The following FMN2 variants were observed in gnomAD, a reference collection of about 807,000 sequenced individuals.
The protein encoded by FMN2 is formin 2.
Under a neutral mutation model 142.3 loss-of-function variants are expected in FMN2, and 51 were observed. That is an observed-to-expected ratio of 0.36 (90% CI 0.29 to 0.45). FMN2 has a LOEUF of 0.45. Among genes scored for constraint, FMN2 ranks in the 20% least tolerant of loss-of-function variants. FMN2 has a pLI of 1.00. For missense variants in FMN2, 1,936 were observed against 2,122.8 expected (o/e 0.91, Z 1.73); for synonymous variants, 882 against 869.8 (o/e 1.01, Z -0.25).
rs780595882 is a variant in FMN2 at position 240,328,147 on chromosome 1, CAAAAAAAAAAAA to C, written c.4216-915_4216-904del. On this transcript the variant is annotated intron_variant, in intron 8 of 17. Coordinates refer to ENST00000319653, the MANE Select transcript of FMN2 (RefSeq NM_020066.5). ...TGGGTGACGGAGCAAGACCCCATCT[CAAAAAAAAAAAA>C]AAAAAAAAAAAAAGAAAAAGAAAAT... 3.7e-3 allele frequency among the ~76,000 whole-genome samples: 190 copies of C among 51,460 alleles called. 2 individuals carry two copies. Among genetic ancestry groups the C allele is most frequent in the Non-Finnish European group, 5.8e-3 (163 of 28,274 alleles). The allele number at this position is 51,460 out of a possible 152,430, so 33.8% of individuals were successfully genotyped here.
chr1:240,114,936 G>A (rs899876344), intron 1 of FMN2, among the ~76,000 whole-genome samples: 10 of 152,242 alleles, frequency 6.6e-5, no homozygotes, highest in Admixed American at 1.3e-4. Context: ...GATTACAGGC[G>A]TGAGCCACCG....
At chr1:240,178,493 T>C (rs896886879) in intron 3 of FMN2, among the ~76,000 whole-genome samples, 3 of 150,316 alleles carry the variant, frequency 2.0e-5, no homozygotes, top group African/African-American at 7.4e-5. Flanking sequence ...TCACCCAGGC[T>C]AGAGTGCAGT....
At chr1:240,158,867 A>G (rs954089254) in intron 2 of FMN2, among the ~76,000 whole-genome samples, 3 of 152,154 alleles carry the variant, frequency 2.0e-5, no homozygotes, top group African/African-American at 7.2e-5. Context: ...GCTAATTAAT[A>G]CCATGTTTTT....
chr1:240,380,713 G>GT (rs1673195320), intron 14 of FMN2, among the ~76,000 whole-genome samples: 1 of 111,998 alleles, frequency 8.9e-6, no homozygotes, highest in Non-Finnish European at 1.9e-5. Context: ...CTCAAAACTA[G>GT]TTAAAAAAAA....
At chr1:240,352,143 T>C (rs779849304) in intron 13 of FMN2, among the ~76,000 whole-genome samples, 9 of 152,136 alleles carry the variant, frequency 5.9e-5, no homozygotes, top group East Asian at 1.9e-4. Context: ...ACTTTCCTCA[T>C]TGGGATTGAA....
intron 14 of FMN2, among the ~76,000 whole-genome samples, chr1:240,366,493 A>G (rs1672672735): frequency 6.8e-6 from 1 of 147,048 alleles, no homozygotes. Flanking sequence ...TTTTTATTCT[A>G]TTGTAGGACT....
At position 240,452,585 on chromosome 1, in the gene FMN2, T is replaced by C. The variant is rs1235121129; in HGVS notation, c.5060+14375T>C. On this transcript the variant is annotated intron_variant, in intron 16 of 17. Coordinates refer to ENST00000319653, the MANE Select transcript of FMN2 (RefSeq NM_020066.5). ...AATTCCTATGGCCTAAAGGTAAATA[T>C]TTTTGGAAAGTGATAAAATTCCATT... Among the ~76,000 whole-genome samples the C allele has an allele frequency of 9.9e-5, 15 of 151,926 alleles. No homozygotes were observed. In the South Asian group the frequency reaches 2.5e-3, roughly 25 times the overall value.
intron 13 of FMN2, among the ~76,000 whole-genome samples, chr1:240,338,448 A>C (rs374631965): frequency 6.6e-6 from 1 of 152,210 alleles, no homozygotes; most frequent in African/African-American, 2.4e-5. Flanking sequence ...CTTCCCACCT[A>C]TCCAAGGTTT....
Position 240,207,272 on chromosome 1 carries a change from T to G in FMN2, c.2460T>G (p.Ala820=), listed in dbSNP as rs1666395650. ...CACCTCCATCCCTTCTGTGGTCTGC[T>G]GGGCAAGGACAGCCTGGGTCACAGC... The part of the protein sequence containing the change: ...PPPPPSLLWS[A]GQGQPGSQPP... The change falls in exon 5 of 18, where the codon GCT becomes GCG. Residue 820 remains alanine (A), a synonymous_variant. Transcript: ENST00000319653. The G allele has an allele frequency of 6.2e-6, 10 of 1,613,976 alleles. No homozygotes were observed. The highest frequency in any genetic ancestry group is 8.5e-6 in the Non-Finnish European group (10 of 1,179,932).
chr1:240,155,649 A>G (rs1302904161), intron 2 of FMN2, among the ~76,000 whole-genome samples: 1 of 152,196 alleles, frequency 6.6e-6, no homozygotes, highest in Non-Finnish European at 1.5e-5. Flanking sequence ...TTCTACAGAC[A>G]TATCTGAGAT....
intron 4 of FMN2, among the ~76,000 whole-genome samples, chr1:240,205,732 A>G (rs898470275): frequency 5.9e-5 from 9 of 151,806 alleles, no homozygotes; most frequent in African/African-American, 2.2e-4. Flanking sequence ...AAGTGCTGGG[A>G]TTACAGGCAT....
chr1:240,441,728 T>C (rs1675628777), intron 16 of FMN2, among the ~76,000 whole-genome samples: 1 of 151,828 alleles, frequency 6.6e-6, no homozygotes, highest in Admixed American at 6.6e-5. Context: ...AGTGTCCTCA[T>C]ATCTGGTATA....
At chr1:240,106,192 CT>C (rs549495310) in intron 1 of FMN2, among the ~76,000 whole-genome samples, 38 of 152,244 alleles carry the variant, frequency 2.5e-4, no homozygotes, top group African/African-American at 8.7e-4. Flanking sequence ...TGCCTTCTGC[CT>C]TTTGGGATGC....
At chr1:240,441,608 C>CTTTTTTTT (rs371621331) in intron 16 of FMN2, among the ~76,000 whole-genome samples, 29 of 125,146 alleles carry the variant, frequency 2.3e-4, no homozygotes, top group African/African-American at 8.2e-4. Flanking sequence ...GCATATTGGT[C>CTTTTTTTT]TTTTTTTTTT....
intron 14 of FMN2, among the ~76,000 whole-genome samples, chr1:240,374,515 C>T (rs1672979929): frequency 6.6e-6 from 1 of 152,168 alleles, no homozygotes; most frequent in South Asian, 2.1e-4. Flanking sequence ...GGTACTTCAC[C>T]TTGCACTTTT....
At chr1:240,200,456 C>T (rs952210760) in intron 4 of FMN2, among the ~76,000 whole-genome samples, 8 of 152,188 alleles carry the variant, frequency 5.3e-5, no homozygotes, top group South Asian at 2.1e-4. Flanking sequence ...GAGAGCCAGC[C>T]GGCCCTTGAC....
At chr1:240,275,834 A>G (rs190940301) in intron 7 of FMN2, among the ~76,000 whole-genome samples, 3 of 152,286 alleles carry the variant, frequency 2.0e-5, no homozygotes, top group South Asian at 2.1e-4. Flanking sequence ...CATTTCTCCA[A>G]TGACCAGTAA....
At chr1:240,363,783 C>A (rs1672570152) in intron 14 of FMN2, among the ~76,000 whole-genome samples, 1 of 152,158 alleles carries the variant, frequency 6.6e-6, no homozygotes, top group Non-Finnish European at 1.5e-5. Flanking sequence ...GAAGCCACTG[C>A]CCTTGTACTA....
At position 240,207,579 on chromosome 1, in the gene FMN2, C is replaced by T. The variant is rs1437509143; in HGVS notation, c.2767C>T (p.Pro923Ser). The change falls in exon 5 of 18, where the codon CCG becomes TCG. Residue 923 changes from proline to serine, a missense_variant. Pro to Ser is a moderately conservative substitution (Grantham distance 74). Coordinates refer to ENST00000319653, the MANE Select transcript of FMN2 (RefSeq NM_020066.5). ...PPLPGAGIPP[P>S]PPLPGAGILP... ...TCTTCCCGGAGCGGGCATACCTCCT[C>T]CGCCGCCTCTACCCGGAGCAGGCAT... 4 of 1,596,298 alleles carry T rather than the reference C, an allele frequency of 2.5e-6. No individual in the cohort carries two copies. Among genetic ancestry groups the T allele is most frequent in the Non-Finnish European group, 3.4e-6 (4 of 1,171,430 alleles).
Sources: allele counts gnomAD v4.1 joint callset (sites outside exome capture counted in the v4.1 genomes callset), GRCh38; gene constraint gnomAD v4.1.1; transcripts MANE v1.5; gene names NCBI Gene and HGNC (gene_info 2026-07-23, HGNC 2026-07-21).